Variants in MAP3K20 observed in about 807,000 individuals in gnomAD.
MAP3K20 encodes mitogen-activated protein kinase kinase kinase 20.
In MAP3K20, 40 loss-of-function variants were observed where a neutral mutation model predicts 85.7. That is an observed-to-expected ratio of 0.47 (90% CI 0.36 to 0.61). The LOEUF (loss-of-function observed/expected upper bound fraction) is 0.61. MAP3K20 is among the 20% of genes least tolerant of loss of function. MAP3K20 has a pLI of 0.00. For synonymous variants in MAP3K20, 325 were observed against 327.7 expected, an observed-to-expected ratio of 0.99 and a Z score of 0.09; for missense variants, 817 against 961.7, an observed-to-expected ratio of 0.85 and a Z score of 1.99.
At chr2:173,233,163 G>A (rs1413525646) in intron 14 of MAP3K20, among the ~76,000 whole-genome samples, 2 of 152,204 alleles carry the variant, frequency 1.3e-5, no homozygotes, top group African/African-American at 4.8e-5. Context: ...AGAATAGCAG[G>A]AGGTGACTCA....
intron 11 of MAP3K20, chr2:173,225,174 G>A (rs1684350529): frequency 2.0e-6 from 2 of 983,174 alleles, no homozygotes; most frequent in African/African-American, 1.7e-5. Flanking sequence ...GTCACCGAAT[G>A]GTGTTTGAGA....
At chr2:173,209,994 G>T (rs1309731118) in intron 10 of MAP3K20, 159 bp downstream of exon 10, 1 of 640,354 alleles carries the variant, frequency 1.6e-6, no homozygotes, top group Non-Finnish European at 2.7e-6. Context: ...ACTCTTATAA[G>T]TCCTGCATTT....
chr2:173,210,756 G>C (rs1420994992), intron 10 of MAP3K20: 1 of 152,138 alleles, frequency 6.6e-6, no homozygotes. Context: ...CCCGATAGCC[G>C]TGGGCAGTAA....
intron 11 of MAP3K20, among the ~76,000 whole-genome samples, chr2:173,229,428 A>G (rs1684468653): frequency 6.6e-6 from 1 of 152,170 alleles, no homozygotes; most frequent in African/African-American, 2.4e-5. Context: ...TGATTGTGGG[A>G]TGTAAAAACC....
intron 2 of MAP3K20, among the ~76,000 whole-genome samples, chr2:173,146,729 G>A (rs1225116746): frequency 6.6e-6 from 1 of 152,208 alleles, no homozygotes; most frequent in African/African-American, 2.4e-5. Flanking sequence ...ATACCTAAGA[G>A]TAGAAGTGAT....
chr2:173,083,818 C>G (rs1203266192), intron 1 of MAP3K20, among the ~76,000 whole-genome samples: 1 of 152,130 alleles, frequency 6.6e-6, no homozygotes, highest in Non-Finnish European at 1.5e-5. Flanking sequence ...AAATAATTTG[C>G]TGAATATTGA....
chr2:173,204,830 G>A (rs1011858952), intron 9 of MAP3K20, among the ~76,000 whole-genome samples: 14 of 152,148 alleles, frequency 9.2e-5, no homozygotes, highest in East Asian at 1.9e-4. Context: ...TAGGCTGGGC[G>A]CGGTGGCTCA....
chr2:173,084,704 A>G (rs1478223649), intron 1 of MAP3K20, among the ~76,000 whole-genome samples: 1 of 152,238 alleles, frequency 6.6e-6, no homozygotes, highest in African/African-American at 2.4e-5. Context: ...TATTGAGAGC[A>G]TACCTGACCA....
At chr2:173,209,683 C>T in intron 9 of MAP3K20, 46 bp from the exon 10 acceptor site, 1 of 1,521,060 alleles carries the variant, frequency 6.6e-7, no homozygotes, top group South Asian at 1.2e-5. Context: ...TTAAATATCT[C>T]CTTTCTTAAG....
At chr2:173,225,462 C>A in intron 11 of MAP3K20, 1 of 464,262 alleles carries the variant, frequency 2.2e-6, no homozygotes, top group Non-Finnish European at 2.8e-6. Flanking sequence ...GGTGTGGTGT[C>A]ACATGCCAGT....
intron 9 of MAP3K20, among the ~76,000 whole-genome samples, chr2:173,208,531 G>A (rs547151549): frequency 6.6e-6 from 1 of 152,202 alleles, no homozygotes; most frequent in Non-Finnish European, 1.5e-5. Flanking sequence ...TTATTAGAAG[G>A]CTTAATATAT....
chr2:173,151,852 G>A (rs1689317900), intron 2 of MAP3K20, among the ~76,000 whole-genome samples: 1 of 152,206 alleles, frequency 6.6e-6, no homozygotes. Context: ...ATGAGCCAGT[G>A]TTGAGACACA....
chr2:173,156,315 TAGAA>T (rs1197252098), intron 2 of MAP3K20, among the ~76,000 whole-genome samples: 2 of 152,188 alleles, frequency 1.3e-5, no homozygotes, highest in African/African-American at 4.8e-5. Context: ...CCCCATTTAT[TAGAA>T]AGGAATTGAG....
intron 2 of MAP3K20, among the ~76,000 whole-genome samples, chr2:173,099,625 G>A (rs1227315139): frequency 6.6e-6 from 1 of 151,822 alleles, no homozygotes; most frequent in Non-Finnish European, 1.5e-5. Flanking sequence ...CCCTGTCTGG[G>A]CAGATCCTAC....
intron 16 of MAP3K20, among the ~76,000 whole-genome samples, chr2:173,243,672 C>T (rs553203058): frequency 1.3e-5 from 2 of 152,308 alleles, no homozygotes; most frequent in African/African-American, 2.4e-5. Context: ...GGCCAGAGTG[C>T]AGTGGCGCTA....
At position 173,183,954 on chromosome 2, in the gene MAP3K20, G is replaced by GA. The variant is rs1318648299; in HGVS notation, c.349+1007dup. Among the ~76,000 whole-genome samples the GA allele has an allele frequency of 6.6e-5, 10 of 152,016 alleles. No homozygotes were observed. The South Asian group carries it at 1.0e-3, about 16-fold the overall frequency. On this transcript the variant is annotated intron_variant, in intron 4 of 19. Transcript: ENST00000375213. ...ACCAAATTCTTCAAATAGGGAAAGT[G>GA]AAAAAAAATTTTTTTTGAGTTTCAT...
At chr2:173,194,753 A>AT (rs1035984742) in intron 7 of MAP3K20, among the ~76,000 whole-genome samples, 3 of 109,272 alleles carry the variant, frequency 2.7e-5, no homozygotes, top group East Asian at 2.1e-4. Context: ...GAATAAGACC[A>AT]TTAAAAAAAA....
chr2:173,162,687 C>CAA (rs10708654), intron 2 of MAP3K20, among the ~76,000 whole-genome samples: 43 of 108,684 alleles, frequency 4.0e-4, no homozygotes, highest in East Asian at 3.8e-3. Context: ...ACTCCGTCTC[C>CAA]AAAAAAAAAA....
chr2:173,148,977 A>C (rs1391464025), intron 2 of MAP3K20, among the ~76,000 whole-genome samples: 1 of 152,184 alleles, frequency 6.6e-6, no homozygotes, highest in Non-Finnish European at 1.5e-5. Context: ...TGATTCTATA[A>C]AGCTGACTTC....
Sources: allele counts gnomAD v4.1 joint callset (sites outside exome capture counted in the v4.1 genomes callset), GRCh38; gene constraint gnomAD v4.1.1; transcripts MANE v1.5; gene names NCBI Gene and HGNC (gene_info 2026-07-23, HGNC 2026-07-21).